The following OSTN variants were observed in gnomAD, a reference collection of about 807,000 sequenced individuals.
The protein encoded by OSTN is osteocrin.
A neutral mutation model predicts 12.0 loss-of-function variants in OSTN; 9 were observed. The ratio of observed to expected loss-of-function variants is 0.75; its 90% CI spans 0.45 to 1.30. The LOEUF (loss-of-function observed/expected upper bound fraction) is 1.30, where lower values mean the gene tolerates loss of function less well. Ranked by LOEUF, OSTN falls within the 50% of genes most tolerant of loss-of-function variation. OSTN has a pLI of 0.00. For synonymous variants in OSTN, 59 were observed against 56.9 expected, an observed-to-expected ratio of 1.04 and a Z score of -0.16; for missense variants, 148 against 152.3, an observed-to-expected ratio of 0.97 and a Z score of 0.15.
chr3:191,241,183 T>TTTTTTTTTTTTTTTG (rs1715311639), intron 3 of OSTN, among the ~76,000 whole-genome samples: 1 of 117,702 alleles, frequency 8.5e-6, no homozygotes, highest in Non-Finnish European at 1.8e-5. Context: ...TTTTTTTTTT[T>TTTTTTTTTTTTTTTG]TTTTTTTTTT....
intron 3 of OSTN, among the ~76,000 whole-genome samples, chr3:191,232,602 A>ATT (rs150259369): frequency 1.2e-3 from 171 of 142,834 alleles, no homozygotes; most frequent in African/African-American, 4.0e-3. Flanking sequence ...TGACTAAATC[A>ATT]TTTTTTTTTT....
intron 3 of OSTN, among the ~76,000 whole-genome samples, chr3:191,245,290 AAC>A (rs1715403693): frequency 6.6e-6 from 1 of 152,226 alleles, no homozygotes; most frequent in South Asian, 2.1e-4. Context: ...AACAACACAT[AAC>A]ACATGGTTAA....
intron 3 of OSTN, among the ~76,000 whole-genome samples, chr3:191,220,396 C>G (rs1714732323): frequency 6.6e-6 from 1 of 151,932 alleles, no homozygotes; most frequent in South Asian, 2.1e-4. Context: ...ATGTTAGGTT[C>G]TGGTGAAAAA....
At chr3:191,206,048 G>A (rs1015375798) in intron 1 of OSTN, among the ~76,000 whole-genome samples, 3 of 152,090 alleles carry the variant, frequency 2.0e-5, no homozygotes, top group African/African-American at 7.2e-5. Flanking sequence ...AGCCAGACAC[G>A]GTGGCAGGGC....
chr3:191,251,134 ATAAG>A (rs1715550732), intron 4 of OSTN, among the ~76,000 whole-genome samples: 1 of 152,076 alleles, frequency 6.6e-6, no homozygotes, highest in East Asian at 1.9e-4. Flanking sequence ...TAATTTATTA[ATAAG>A]TATTAGTTAA....
At chr3:191,206,936 C>A (rs1372647359) in intron 1 of OSTN, among the ~76,000 whole-genome samples, 1 of 152,118 alleles carries the variant, frequency 6.6e-6, no homozygotes, top group Non-Finnish European at 1.5e-5. Flanking sequence ...TACAGACTTA[C>A]TTATGAGCCA....
At chr3:191,204,727 G>A (rs1714229845) in intron 1 of OSTN, among the ~76,000 whole-genome samples, 1 of 152,090 alleles carries the variant, frequency 6.6e-6, no homozygotes, top group Non-Finnish European at 1.5e-5. Flanking sequence ...TTCAAATATT[G>A]TCACTTATTG....
At chr3:191,246,970 G>A (rs1409269514) in intron 3 of OSTN, among the ~76,000 whole-genome samples, 3 of 152,178 alleles carry the variant, frequency 2.0e-5, no homozygotes, top group Admixed American at 1.3e-4. Flanking sequence ...TCATCTCTAG[G>A]TCCTTAACCT....
At chr3:191,259,855 T>C (rs6444526) in intron 4 of OSTN, among the ~76,000 whole-genome samples, 29,792 of 147,050 alleles carry the variant, frequency 0.2, 3,433 homozygotes, top group Admixed American at 0.26. Flanking sequence ...TATCCTTCTT[T>C]TTTTTTTTTT....
chr3:191,246,067 CAAAAAAAAAAAAAAA>C (rs149962240), intron 3 of OSTN, among the ~76,000 whole-genome samples: 1 of 60,322 alleles, frequency 1.7e-5, no homozygotes, highest in African/African-American at 6.6e-5. Context: ...AACTCTGTCT[CAAAAAAAAAAAAAAA>C]AAAAAAAAAA....
At chr3:191,259,676 C>A (rs28836770) in intron 4 of OSTN, among the ~76,000 whole-genome samples, 1 of 151,630 alleles carries the variant, frequency 6.6e-6, no homozygotes, top group Admixed American at 6.6e-5. Context: ...CAAAGCCAGG[C>A]GTTGATGCTG....
At chr3:191,237,662 G>T (rs990824369) in intron 3 of OSTN, among the ~76,000 whole-genome samples, 1 of 152,320 alleles carries the variant, frequency 6.6e-6, no homozygotes. Flanking sequence ...TAAAGCGCAT[G>T]CTTGAGCAAA....
chr3:191,259,319 C>T (rs1359326692), intron 4 of OSTN, among the ~76,000 whole-genome samples: 3 of 151,872 alleles, frequency 2.0e-5, no homozygotes, highest in African/African-American at 2.4e-5. Flanking sequence ...CTCAGCCTCC[C>T]GAGTAGCCAG....
At chr3:191,239,805 T>G (rs747558975) in intron 3 of OSTN, among the ~76,000 whole-genome samples, 1 of 152,202 alleles carries the variant, frequency 6.6e-6, no homozygotes, top group South Asian at 2.1e-4. Context: ...CAGCCTTTTA[T>G]TCACTCCTTC....
At chr3:191,242,342 A>T (rs1376434809) in intron 3 of OSTN, among the ~76,000 whole-genome samples, 2 of 152,166 alleles carry the variant, frequency 1.3e-5, no homozygotes, top group Non-Finnish European at 2.9e-5. Flanking sequence ...ACTCTAAATA[A>T]ATGATCTTGG....
At chr3:191,248,789 A>G (rs1230941641) in intron 3 of OSTN, among the ~76,000 whole-genome samples, 1 of 152,208 alleles carries the variant, frequency 6.6e-6, no homozygotes, top group East Asian at 1.9e-4. Flanking sequence ...TCTGCAAAGA[A>G]TTCAAAAAAA....
At chr3:191,229,000 T>TAAAACAGTATTGCCA (rs1270674909) in intron 3 of OSTN, among the ~76,000 whole-genome samples, 6 of 152,230 alleles carry the variant, frequency 3.9e-5, no homozygotes, top group African/African-American at 1.4e-4. Flanking sequence ...GCACTACCTG[T>TAAAACAGTATTGCCA]AAAACAGTAT....
chr3:191,212,720 A>T (rs935688306), intron 2 of OSTN, 86 bp downstream of exon 2: 1 of 321,270 alleles, frequency 3.1e-6, no homozygotes, highest in Non-Finnish European at 5.2e-6. Context: ...AATATATATT[A>T]AAATATATTT....
rs952141492 is a variant in OSTN, at chr3:191,226,442, T to A, written c.317+7481T>A. On this transcript the variant is annotated intron_variant, in intron 3 of 4. Coordinates refer to ENST00000682035, the MANE Select transcript of OSTN (RefSeq NM_198184.2). ...TTGTATTTTAGCCCAAAAGCCAATA[T>A]CTTATTTAATGGTTCAGGCACATAC... 3.3e-5 allele frequency among the ~76,000 whole-genome samples: 5 copies of A among 152,294 alleles called. No individual in the cohort carries two copies. The East Asian group carries it at 9.6e-4, about 29-fold the overall frequency.
Sources: gnomAD v4.1 joint callset for allele counts (sites outside exome capture counted in the v4.1 genomes callset) on GRCh38, gnomAD v4.1.1 for gene constraint, MANE v1.5 for transcripts, NCBI Gene and HGNC (gene_info 2026-07-23, HGNC 2026-07-21) for gene names.